RRP7A: variants seen among roughly 807,000 people sequenced by gnomAD.
The protein encoded by RRP7A is ribosomal RNA-processing protein 7 homolog A.
Under a neutral mutation model 38.4 loss-of-function variants are expected in RRP7A, and 27 were observed. The observed-to-expected ratio is 0.70, with a 90% confidence interval of 0.52 to 0.97. RRP7A has a LOEUF of 0.97. RRP7A is among the 50% of genes least tolerant of loss of function. The pLI is 0.00. For synonymous variants in RRP7A, 124 were observed against 150.3 expected, an observed-to-expected ratio of 0.83 and a Z score of 1.28; for missense variants, 327 against 375.4, an observed-to-expected ratio of 0.87 and a Z score of 1.07.
Position 42,516,071 on chromosome 22 carries a change from C to T in RRP7A, c.282G>A (p.Pro94=), listed in dbSNP as rs758772546. Residue 94 remains proline, a synonymous_variant, in exon 3 of 7, where the codon CCG becomes CCA. Transcript: ENST00000323013. ...ACTCCTTTGGGCTCTCAGCCAGGTC[C>T]GGCTTCTCCTGCAACTCTACAGACT... ...LVQSVELQEK[P]DLAESPKESR... The T allele has an allele frequency of 6.2e-6, 10 of 1,613,088 alleles. No individual in the cohort carries two copies. The highest frequency in any genetic ancestry group is 4.4e-5 in the South Asian group (4 of 91,014).
chr22:42,519,272 A>G (rs1347589952), intron 1 of RRP7A, among the ~76,000 whole-genome samples: 1 of 150,556 alleles, frequency 6.6e-6, no homozygotes, highest in African/African-American at 2.4e-5. Flanking sequence ...TTAAAAGAAC[A>G]TTCTGGCACG....
rs61731241 is a variant in RRP7A, at chr22:42,514,136, C to T, written c.727G>A (p.Ala243Thr). Residue 243 changes from alanine (A) to threonine (T), a missense_variant, in exon 6 of 7, where the codon GCC (alanine) becomes ACC (threonine). Coordinates refer to ENST00000323013, the MANE Select transcript of RRP7A (RefSeq NM_015703.5). ...RSRKELLNFYAWQHRESKMEH... is the reference protein window; with the variant it reads ...RSRKELLNFYTWQHRESKMEH... ...ATCTTGCTCTCTCGATGCTGCCAGG[C>T]GTAGAAGTTGAGCAGCTCTTTTCGG... The T allele has an allele frequency of 8.2e-3, 13,260 of 1,613,036 alleles. 681 individuals carry two copies. The African/African-American group carries it at 0.14, about 17-fold the overall frequency.
intron 2 of RRP7A, chr22:42,516,435 G>A (rs1419182726): frequency 2.7e-5 from 12 of 437,542 alleles, no homozygotes; most frequent in East Asian, 1.2e-4. Flanking sequence ...TCAGTCTCCC[G>A]AGCAGCTGGG....
chr22:42,516,227 C>T (rs207478004), intron 2 of RRP7A, 91 bp from the exon 3 acceptor site: 4 of 1,551,426 alleles, frequency 2.6e-6, no homozygotes, highest in Non-Finnish European at 3.5e-6. Context: ...AGGGGTCCAG[C>T]GCCGCTGAAG....
At chr22:42,513,999 C>G in intron 6 of RRP7A, 107 bp downstream of exon 6, 1 of 979,808 alleles carries the variant, frequency 1.0e-6, no homozygotes, top group Non-Finnish European at 1.5e-6. Context: ...CGCCCTCCCT[C>G]CTCGACCACC....
chr22:42,519,337 GGCCTATAACA>G (rs1920940775), intron 1 of RRP7A, among the ~76,000 whole-genome samples: 1 of 151,794 alleles, frequency 6.6e-6, no homozygotes, highest in African/African-American at 2.4e-5. Flanking sequence ...CGAGTAGGAG[GGCCTATAACA>G]GCCCAGGTAA....
chr22:42,512,763 T>C lies in RRP7A; in HGVS notation c.*147A>G, dbSNP rs185972118. 4 of 807,474 alleles carry C rather than the reference T, an allele frequency of 5.0e-6. No homozygotes were observed. The highest frequency in any genetic ancestry group is 1.7e-5 in the African/African-American group (1 of 59,660). The allele number at this position is 807,474 out of a possible 1,614,324, so 50.0% of individuals were successfully genotyped here. On this transcript the variant is annotated 3_prime_UTR_variant, in exon 7 of 7. Coordinates refer to ENST00000323013, the MANE Select transcript of RRP7A (RefSeq NM_015703.5). ...GTGGCCTGGTCCTTCCCTCCTGGCC[T>C]GTGTGGACTCTGATGGGGCTGTTGG...
chr22:42,513,275 AC>A (rs1166199247), intron 6 of RRP7A, among the ~76,000 whole-genome samples: 1 of 125,928 alleles, frequency 7.9e-6, no homozygotes, highest in East Asian at 2.2e-4. Context: ...ACCCGCCCCC[AC>A]CCCCATCCCT....
At chr22:42,516,177 G>C (rs1036385003) in intron 2 of RRP7A, 41 bp from the exon 3 acceptor site, 1 of 1,608,442 alleles carries the variant, frequency 6.2e-7, no homozygotes, top group Non-Finnish European at 8.5e-7. Context: ...GCATCCGCAG[G>C]GCCATCCCAA....
At chr22:42,513,799 T>G (rs1205377326) in intron 6 of RRP7A, among the ~76,000 whole-genome samples, 14 of 152,170 alleles carry the variant, frequency 9.2e-5, no homozygotes, top group Admixed American at 6.5e-4. Context: ...CTTGAACTCC[T>G]CGTTAGCTGG....
chr22:42,514,100 G>A lies in RRP7A; in HGVS notation c.757+6C>T. 2.5e-6 allele frequency: 4 copies of A among 1,610,716 alleles called. No homozygotes were observed. The highest frequency in any genetic ancestry group is 2.2e-5 in the East Asian group (1 of 44,802). On this transcript the variant is annotated splice_donor_region_variant and intron_variant, in intron 6 of 6. Coordinates refer to ENST00000323013, the MANE Select transcript of RRP7A (RefSeq NM_015703.5). ...GGGGTCTGAGGATGGACTGGGGGTG[G>A]CTTACGCTCCATCTTGCTCTCTCGA... is the stretch of plus-strand genomic sequence containing the variant.
chr22:42,516,716 A>T (rs5751293), intron 2 of RRP7A, among the ~76,000 whole-genome samples: 1 of 152,018 alleles, frequency 6.6e-6, no homozygotes, highest in East Asian at 1.9e-4. Context: ...ACCCTATGCT[A>T]TGACAGTTGG....
At chr22:42,513,185 C>T (rs1319807392) in intron 6 of RRP7A, among the ~76,000 whole-genome samples, 190 bp from the exon 7 acceptor site, 1 of 146,288 alleles carries the variant, frequency 6.8e-6, no homozygotes, top group Non-Finnish European at 1.5e-5. Flanking sequence ...CGACGGCAGG[C>T]CGAGTCCAAG....
At chr22:42,514,080 C>G (rs1920923949) in intron 6 of RRP7A, 26 bp downstream of exon 6, 17 of 1,603,476 alleles carry the variant, frequency 1.1e-5, no homozygotes, top group Non-Finnish European at 1.4e-5. Context: ...GCCGAGGGGT[C>G]TGAGGATGGA....
At chr22:42,516,664 G>C (rs1920930636) in intron 2 of RRP7A, among the ~76,000 whole-genome samples, 1 of 152,230 alleles carries the variant, frequency 6.6e-6, no homozygotes, top group Non-Finnish European at 1.5e-5. Context: ...CTGTTATTCT[G>C]ATTTCCTATG....
At position 42,512,455 on chromosome 22, in the gene RRP7A, T is replaced by C. The variant is rs543522304; in HGVS notation, c.*455A>G. On this transcript the variant is annotated 3_prime_UTR_variant, in exon 7 of 7. Transcript: ENST00000323013. ...TCTGGGTTCCAGGGCTGCTGTCTCC[T>C]GGCTAATAATCTCCAGCCAGCTGGA... is the stretch of plus-strand genomic sequence containing the variant. 1.9e-4 allele frequency: 112 copies of C among 593,158 alleles called. 1 individual carries two copies. In the South Asian group the frequency reaches 2.2e-3, roughly 12 times the overall value. 36.7% of individuals were successfully genotyped at this position (593,158 alleles called of 1,614,324 possible).
intron 1 of RRP7A, 110 bp downstream of exon 1, chr22:42,519,604 C>T: frequency 3.1e-6 from 3 of 961,154 alleles, no homozygotes; most frequent in Non-Finnish European, 4.3e-6. Flanking sequence ...GCCACCGGGG[C>T]TCACACCCAA....
chr22:42,519,542 C>G (rs376104549), intron 1 of RRP7A, among the ~76,000 whole-genome samples, 172 bp downstream of exon 1: 19,009 of 150,344 alleles, frequency 0.13, 2,479 homozygotes, highest in East Asian at 0.74. Flanking sequence ...AGGGCGCCGC[C>G]TGGGTCCTCG....
chr22:42,517,275 A>C lies in RRP7A; in HGVS notation c.216+730T>G, dbSNP rs1358171606. On this transcript the variant is annotated intron_variant, in intron 2 of 6. Transcript: ENST00000323013. ...GCAACAGAGGGAGACTCTGTCTCAA[A>C]ATAAATAAATAAATTAAATAAATAA... Among the ~76,000 whole-genome samples, 2 of 134,752 alleles carry C rather than the reference A, an allele frequency of 1.5e-5. 1 individual carries two copies. Among genetic ancestry groups the C allele is most frequent in the Non-Finnish European group, 3.0e-5 (2 of 65,662 alleles). 88.4% of individuals were successfully genotyped at this position (134,752 alleles called of 152,430 possible).
Sources: allele counts gnomAD v4.1 joint callset (sites outside exome capture counted in the v4.1 genomes callset), GRCh38; gene constraint gnomAD v4.1.1; transcripts MANE v1.5; gene names NCBI Gene and HGNC (gene_info 2026-07-23, HGNC 2026-07-21).